SETBP1: variants seen among roughly 807,000 people sequenced by gnomAD.
SETBP1 encodes SET-binding protein.
SETBP1 carries 9 observed loss-of-function variants against 101.0 expected under a neutral mutation model. The ratio of observed to expected loss-of-function variants is 0.09; its 90% CI spans 0.05 to 0.16. The LOEUF is 0.16. SETBP1 is among the 10% of genes least tolerant of loss of function. The probability of loss-of-function intolerance (pLI) is 1.00; values close to 1 mark genes in which losing one functional copy is unlikely to be tolerated. For missense variants in SETBP1, 1,858 were observed against 2,033.8 expected (o/e 0.91, Z 1.66); for synonymous variants, 818 against 788.5 (o/e 1.04, Z -0.63).
chr18:44,837,642 C>T (rs1051299275), intron 2 of SETBP1, among the ~76,000 whole-genome samples: 4 of 152,124 alleles, frequency 2.6e-5, no homozygotes, highest in African/African-American at 7.2e-5. Flanking sequence ...GCCTAAGAGG[C>T]GATGCGGTCC....
intron 3 of SETBP1, among the ~76,000 whole-genome samples, chr18:44,891,663 C>T (rs912114226): frequency 6.6e-6 from 1 of 152,022 alleles, no homozygotes; most frequent in African/African-American, 2.4e-5. Flanking sequence ...GTATTTGAGG[C>T]CTGCATGATC....
chr18:44,804,422 T>A (rs949758399), intron 2 of SETBP1, among the ~76,000 whole-genome samples: 7 of 152,118 alleles, frequency 4.6e-5, no homozygotes, highest in African/African-American at 1.7e-4. Flanking sequence ...TTTTGTAAAC[T>A]GTAGAGTCCG....
intron 2 of SETBP1, among the ~76,000 whole-genome samples, chr18:44,734,832 C>T (rs1009083787): frequency 2.6e-5 from 4 of 152,098 alleles, no homozygotes; most frequent in Non-Finnish European, 4.4e-5. Flanking sequence ...GTTGCTTTCT[C>T]TTATTTAGGT....
intron 4 of SETBP1, among the ~76,000 whole-genome samples, chr18:44,963,254 G>A (rs2071649266): frequency 6.6e-6 from 1 of 152,180 alleles, no homozygotes; most frequent in Non-Finnish European, 1.5e-5. Context: ...GGGTTAAATA[G>A]AGGAGCCCAG....
chr18:44,840,010 T>C (rs1262233493), intron 2 of SETBP1, among the ~76,000 whole-genome samples: 1 of 152,174 alleles, frequency 6.6e-6, no homozygotes, highest in African/African-American at 2.4e-5. Context: ...CACATTGCTT[T>C]TTATTTTATT....
At chr18:44,991,604 T>G (rs2072379784) in intron 4 of SETBP1, among the ~76,000 whole-genome samples, 1 of 152,194 alleles carries the variant, frequency 6.6e-6, no homozygotes, top group South Asian at 2.1e-4. Context: ...TATTTTAAAA[T>G]TTCTACTTAT....
intron 3 of SETBP1, among the ~76,000 whole-genome samples, chr18:44,945,742 A>T (rs1490502272): frequency 2.0e-5 from 3 of 152,228 alleles, no homozygotes; most frequent in Non-Finnish European, 4.4e-5. Context: ...ATAAAGGCTT[A>T]AAAAGACTCA....
intron 2 of SETBP1, among the ~76,000 whole-genome samples, chr18:44,721,361 C>A (rs889286915): frequency 6.6e-6 from 1 of 152,326 alleles, no homozygotes; most frequent in East Asian, 1.9e-4. Flanking sequence ...GGAAAGACTG[C>A]ATCAAGTGTT....
At chr18:44,772,891 C>T (rs1434636566) in intron 2 of SETBP1, among the ~76,000 whole-genome samples, 1 of 152,192 alleles carries the variant, frequency 6.6e-6, no homozygotes, top group Non-Finnish European at 1.5e-5. Context: ...TAAGCGTCTT[C>T]TACCTGAAAG....
At chr18:45,054,075 A>G (rs2073767363) in intron 5 of SETBP1, among the ~76,000 whole-genome samples, 1 of 152,168 alleles carries the variant, frequency 6.6e-6, no homozygotes, top group Non-Finnish European at 1.5e-5. Context: ...CCATATTACA[A>G]CAAACAAAAG....
intron 2 of SETBP1, among the ~76,000 whole-genome samples, chr18:44,774,714 A>G (rs2144651723): frequency 6.6e-6 from 1 of 152,188 alleles, no homozygotes; most frequent in Admixed American, 6.5e-5. Context: ...ATATTCTTCA[A>G]CCTCAGCCCG....
intron 3 of SETBP1, among the ~76,000 whole-genome samples, chr18:44,922,760 C>G (rs1353980117): frequency 6.6e-6 from 1 of 152,158 alleles, no homozygotes; most frequent in Admixed American, 6.5e-5. Context: ...GGTGAAGTGT[C>G]TCTCTCCTTT....
intron 2 of SETBP1, among the ~76,000 whole-genome samples, chr18:44,817,137 T>C: frequency 6.6e-6 from 1 of 152,164 alleles, no homozygotes; most frequent in Non-Finnish European, 1.5e-5. Flanking sequence ...TGACTTTATG[T>C]AGTGATTAGG....
intron 4 of SETBP1, among the ~76,000 whole-genome samples, chr18:45,035,811 C>T (rs1378156986): frequency 6.6e-6 from 1 of 152,156 alleles, no homozygotes; most frequent in Non-Finnish European, 1.5e-5. Context: ...TCCATCCATT[C>T]GGTGGGAATG....
At chr18:44,995,529 T>TTGTGTGTGTGTGTGTG (rs60256060) in intron 4 of SETBP1, among the ~76,000 whole-genome samples, 5 of 142,876 alleles carry the variant, frequency 3.5e-5, no homozygotes, top group South Asian at 2.3e-4. Context: ...GTCCAGGCTT[T>TTGTGTGTGTGTGTGTG]TGTGTGTGTG....
At chr18:45,010,489 T>C (rs1005972536) in intron 4 of SETBP1, among the ~76,000 whole-genome samples, 1 of 152,234 alleles carries the variant, frequency 6.6e-6, no homozygotes, top group East Asian at 1.9e-4. Flanking sequence ...ATGACATTTT[T>C]TGGATTAAGC....
At chr18:44,693,207 G>C (rs1229660801) in intron 1 of SETBP1, among the ~76,000 whole-genome samples, 1 of 152,068 alleles carries the variant, frequency 6.6e-6, no homozygotes, top group East Asian at 1.9e-4. Context: ...TGAGTCAAGT[G>C]GTGTCTGTCT....
chr18:44,817,684 CAA>C (rs767308052), intron 2 of SETBP1, among the ~76,000 whole-genome samples: 5 of 76,294 alleles, frequency 6.6e-5, no homozygotes, highest in Non-Finnish European at 8.0e-5. Context: ...GACTCCATCT[CAA>C]AAAAAAAAAA....
chr18:44,793,171 G>A (rs1168173154), intron 2 of SETBP1, among the ~76,000 whole-genome samples: 1 of 152,202 alleles, frequency 6.6e-6, no homozygotes, highest in African/African-American at 2.4e-5. Flanking sequence ...CCCTTTTGCA[G>A]ATGCATGTGC....
Sources: allele counts gnomAD v4.1 joint callset (sites outside exome capture counted in the v4.1 genomes callset), GRCh38; gene constraint gnomAD v4.1.1; transcripts MANE v1.5; gene names NCBI Gene and HGNC (gene_info 2026-07-23, HGNC 2026-07-21).